SCFD1: variants seen among roughly 807,000 people sequenced by gnomAD.
The protein encoded by SCFD1 is sec1 family domain containing 1.
In SCFD1, 37 loss-of-function variants were observed where a neutral mutation model predicts 103.2. The ratio of observed to expected loss-of-function variants is 0.36; its 90% CI spans 0.28 to 0.47. The LOEUF (loss-of-function observed/expected upper bound fraction) is 0.47. SCFD1 is among the 20% of genes least tolerant of loss of function. SCFD1 has a pLI of 1.00. For synonymous variants in SCFD1, 264 were observed against 245.0 expected, an observed-to-expected ratio of 1.08 and a Z score of -0.73; for missense variants, 639 against 761.2, an observed-to-expected ratio of 0.84 and a Z score of 1.89.
At chr14:30,667,473 G>A (rs528239781) in intron 10 of SCFD1, among the ~76,000 whole-genome samples, 1 of 152,288 alleles carries the variant, frequency 6.6e-6, no homozygotes, top group Admixed American at 6.5e-5. Context: ...AAAACTGGAA[G>A]CATTCCCTTT....
chr14:30,677,827 CT>C (rs58942207), intron 14 of SCFD1, among the ~76,000 whole-genome samples: 1,526 of 67,398 alleles, frequency 0.023, no homozygotes, highest in African/African-American at 0.04. Context: ...ACCTAAGCAC[CT>C]TTTTTTTTTT....
chr14:30,714,978 A>G (rs1024021033), intron 19 of SCFD1, among the ~76,000 whole-genome samples: 1 of 152,236 alleles, frequency 6.6e-6, no homozygotes, highest in Non-Finnish European at 1.5e-5. Context: ...GCCACAGCCT[A>G]TAAACAAGTC....
intron 9 of SCFD1, 57 bp downstream of exon 9, chr14:30,650,707 G>A: frequency 1.9e-6 from 2 of 1,073,988 alleles, no homozygotes; most frequent in Non-Finnish European, 2.8e-6. Flanking sequence ...GAGTTTTTTT[G>A]TTACTTTTCT....
intron 4 of SCFD1, chr14:30,634,935 C>T (rs1373503565): frequency 4.4e-6 from 2 of 455,872 alleles, no homozygotes; most frequent in African/African-American, 2.0e-5. Context: ...GAATCAGTTA[C>T]AAGGGTGGCT....
At chr14:30,723,601 A>C (rs754191422) in intron 23 of SCFD1, among the ~76,000 whole-genome samples, 2 of 152,120 alleles carry the variant, frequency 1.3e-5, no homozygotes, top group Non-Finnish European at 2.9e-5. Context: ...TGATGTGTCC[A>C]TGTGTTCTCA....
At chr14:30,719,234 G>T (rs926166115) in intron 20 of SCFD1, 91 bp from the exon 21 acceptor site, 2 of 778,486 alleles carry the variant, frequency 2.6e-6, no homozygotes, top group Non-Finnish European at 2.2e-6. Flanking sequence ...CTACAAAATT[G>T]ATAGATTCAT....
chr14:30,657,310 G>A (rs983234812), intron 10 of SCFD1, among the ~76,000 whole-genome samples: 1 of 152,170 alleles, frequency 6.6e-6, no homozygotes, highest in African/African-American at 2.4e-5. Flanking sequence ...TGTCAGAAGA[G>A]GAAATTGGGA....
intron 12 of SCFD1, 95 bp from the exon 13 acceptor site, chr14:30,673,829 A>C: frequency 1.2e-6 from 1 of 848,456 alleles, no homozygotes; most frequent in Non-Finnish European, 2.0e-6. Flanking sequence ...TATATCAATA[A>C]TCTTAGGATA....
At chr14:30,678,359 T>G (rs1355405769) in intron 14 of SCFD1, among the ~76,000 whole-genome samples, 1 of 152,192 alleles carries the variant, frequency 6.6e-6, no homozygotes, top group East Asian at 1.9e-4. Context: ...CACACCAGTT[T>G]GTCATAACTT....
At chr14:30,636,688 A>G (rs1480410652) in intron 4 of SCFD1, among the ~76,000 whole-genome samples, 1 of 152,020 alleles carries the variant, frequency 6.6e-6, no homozygotes, top group African/African-American at 2.4e-5. Flanking sequence ...ACTTTTTTTC[A>G]GACTGTTTTG....
intron 16 of SCFD1, 30 bp downstream of exon 16, chr14:30,700,288 A>G (rs752186716): frequency 7.2e-7 from 1 of 1,396,154 alleles, no homozygotes; most frequent in East Asian, 2.3e-5. Flanking sequence ...ATTGGGAGGA[A>G]GGGGAATGCT....
At chr14:30,654,728 C>A (rs947883025) in intron 10 of SCFD1, among the ~76,000 whole-genome samples, 1 of 151,092 alleles carries the variant, frequency 6.6e-6, no homozygotes, top group East Asian at 1.9e-4. Flanking sequence ...TGGTTTATTT[C>A]TTTAAAACCT....
At chr14:30,627,745 G>GAAA (rs11312585) in intron 1 of SCFD1, among the ~76,000 whole-genome samples, 189 of 79,440 alleles carry the variant, frequency 2.4e-3, no homozygotes, top group Non-Finnish European at 3.3e-3. Flanking sequence ...CTCTGTCTCA[G>GAAA]AAAAAAAAAA....
Position 30,670,245 on chromosome 14 carries a change from C to A in SCFD1, c.856-11C>A. The A allele has an allele frequency of 6.4e-7, 1 of 1,570,000 alleles. No homozygotes were observed. ...AAAACAGTTGTTTAACACAAGATTA[C>A]TTTTTCCTAGGATTTCCATTTAAAC... On this transcript the variant is annotated splice_polypyrimidine_tract_variant and intron_variant, in intron 10 of 24. Transcript: ENST00000458591.
intron 20 of SCFD1, among the ~76,000 whole-genome samples, chr14:30,718,003 G>A (rs1320400707): frequency 6.6e-6 from 1 of 151,896 alleles, no homozygotes; most frequent in Admixed American, 6.6e-5. Flanking sequence ...GGACACTGTA[G>A]TGCAATGTAA....
intron 1 of SCFD1, among the ~76,000 whole-genome samples, chr14:30,623,532 C>T (rs933653089): frequency 6.6e-6 from 1 of 152,144 alleles, no homozygotes; most frequent in Non-Finnish European, 1.5e-5. Context: ...GCATACCTGC[C>T]ATTCGTTGTA....
At chr14:30,628,100 T>C (rs994032494) in intron 1 of SCFD1, 109 bp from the exon 2 acceptor site, 10 of 691,018 alleles carry the variant, frequency 1.4e-5, no homozygotes, top group Non-Finnish European at 2.0e-5. Flanking sequence ...GTTAATCAGT[T>C]TTACTAGAGT....
At chr14:30,623,447 A>G (rs202124473) in intron 1 of SCFD1, among the ~76,000 whole-genome samples, 2 of 152,222 alleles carry the variant, frequency 1.3e-5, no homozygotes. Flanking sequence ...TGCTTTTCCC[A>G]GTAAATAATT....
At chr14:30,657,886 A>G (rs377683556) in intron 10 of SCFD1, among the ~76,000 whole-genome samples, 1 of 152,284 alleles carries the variant, frequency 6.6e-6, no homozygotes, top group East Asian at 1.9e-4. Flanking sequence ...AGAACTTACA[A>G]ACAACTATGA....
Sources: allele counts gnomAD v4.1 joint callset (sites outside exome capture counted in the v4.1 genomes callset), GRCh38; gene constraint gnomAD v4.1.1; transcripts MANE v1.5; gene names NCBI Gene and HGNC (gene_info 2026-07-23, HGNC 2026-07-21).